TAFA1: variants seen among roughly 807,000 people sequenced by gnomAD.
The protein encoded by TAFA1 is chemokine-like protein TAFA-1.
A neutral mutation model predicts 18.5 loss-of-function variants in TAFA1; 4 were observed. The ratio of observed to expected loss-of-function variants is 0.22; its 90% CI spans 0.11 to 0.49. The LOEUF (loss-of-function observed/expected upper bound fraction) is 0.49. Ranked by LOEUF, TAFA1 falls within the 20% of genes least tolerant of loss-of-function variation. The pLI is 0.98. For synonymous variants in TAFA1, 56 were observed against 55.2 expected (o/e 1.01, Z -0.06); for missense variants, 147 against 169.0 (o/e 0.87, Z 0.72).
At chr3:68,410,864 C>T (rs111864936) in intron 2 of TAFA1, among the ~76,000 whole-genome samples, 13 of 152,046 alleles carry the variant, frequency 8.6e-5, no homozygotes, top group South Asian at 2.1e-4. Context: ...AGGAAAAGTC[C>T]GAAAGATATT....
chr3:68,053,235 G>A (rs983187531), intron 2 of TAFA1, among the ~76,000 whole-genome samples: 4 of 151,928 alleles, frequency 2.6e-5, no homozygotes, highest in Non-Finnish European at 1.5e-5. Flanking sequence ...AAAGTAGTGT[G>A]TTGGGAAACA....
At position 68,168,101 on chromosome 3, in the gene TAFA1, C is replaced by T. The variant is rs570338417; in HGVS notation, c.118+161357C>T. Among the ~76,000 whole-genome samples, 181 of 124,774 alleles carry T rather than the reference C, an allele frequency of 1.5e-3. 2 individuals carry two copies. Among genetic ancestry groups the T allele is most frequent in the South Asian group, 2.9e-3 (11 of 3,772 alleles). 81.9% of individuals were successfully genotyped at this position (124,774 alleles called of 152,430 possible). A position where few individuals can be genotyped will look rare whatever the true frequency, so the allele number is the denominator to read the frequency against. ...ACTGATAATTTTATGAGTTTTGAAA[C>T]TTTTGGTCTGTTTATTTGTCCTAAT... is the stretch of plus-strand genomic sequence containing the variant. On this transcript the variant is annotated intron_variant, in intron 2 of 4. Coordinates refer to ENST00000478136, the MANE Select transcript of TAFA1 (RefSeq NM_213609.4).
chr3:68,420,988 G>A (rs1374092658), intron 3 of TAFA1, among the ~76,000 whole-genome samples: 1 of 152,108 alleles, frequency 6.6e-6, no homozygotes, highest in African/African-American at 2.4e-5. Context: ...CTTTGCCAAA[G>A]AAAGCCTTGA....
intron 2 of TAFA1, among the ~76,000 whole-genome samples, chr3:68,012,273 G>A (rs1049444104): frequency 6.6e-6 from 1 of 152,156 alleles, no homozygotes; most frequent in South Asian, 2.1e-4. Context: ...AGACAAATGT[G>A]AAAAGATGTA....
chr3:68,488,144 T>C (rs1218683363), intron 3 of TAFA1, among the ~76,000 whole-genome samples: 7 of 152,154 alleles, frequency 4.6e-5, no homozygotes, highest in African/African-American at 1.7e-4. Context: ...TTAAGGAGTA[T>C]TGACTCACAC....
intron 3 of TAFA1, among the ~76,000 whole-genome samples, chr3:68,434,839 G>A (rs2071242249): frequency 6.6e-6 from 1 of 152,062 alleles, no homozygotes; most frequent in Non-Finnish European, 1.5e-5. Flanking sequence ...AGAGAAACAT[G>A]TCTAATACTA....
At chr3:68,370,089 C>T (rs1255741610) in intron 2 of TAFA1, among the ~76,000 whole-genome samples, 7 of 150,458 alleles carry the variant, frequency 4.7e-5, no homozygotes, top group Non-Finnish European at 1.0e-4. Flanking sequence ...GAGATTGAGA[C>T]CATCCTGGCT....
chr3:68,303,245 A>G (rs1325098240), intron 2 of TAFA1, among the ~76,000 whole-genome samples: 1 of 152,224 alleles, frequency 6.6e-6, no homozygotes, highest in Non-Finnish European at 1.5e-5. Flanking sequence ...GGAGGCTTCT[A>G]GAACCACATT....
intron 3 of TAFA1, among the ~76,000 whole-genome samples, chr3:68,438,635 C>G (rs1292494677): frequency 2.0e-5 from 3 of 152,132 alleles, no homozygotes; most frequent in East Asian, 3.9e-4. Context: ...CAGCATTGCT[C>G]TAGAGGAAGT....
chr3:68,493,806 G>C (rs963123201), intron 3 of TAFA1, among the ~76,000 whole-genome samples: 7 of 152,134 alleles, frequency 4.6e-5, no homozygotes, highest in African/African-American at 1.4e-4. Flanking sequence ...ACTTTTATAA[G>C]TTTATGACGT....
chr3:68,266,945 T>C (rs927242379), intron 2 of TAFA1, among the ~76,000 whole-genome samples: 1 of 100,226 alleles, frequency 1.0e-5, no homozygotes, highest in African/African-American at 5.1e-5. Flanking sequence ...AAAAGAACCT[T>C]CGGTGGACTC....
chr3:68,116,423 G>A (rs560233246), intron 2 of TAFA1, among the ~76,000 whole-genome samples: 3 of 152,224 alleles, frequency 2.0e-5, no homozygotes, highest in African/African-American at 7.2e-5. Flanking sequence ...GCACATATAT[G>A]TTGGCCTTTG....
At chr3:68,102,780 C>T in intron 2 of TAFA1, among the ~76,000 whole-genome samples, 1 of 152,076 alleles carries the variant, frequency 6.6e-6, no homozygotes, top group East Asian at 1.9e-4. Context: ...CAGTCTGTAC[C>T]ACCTTTAGAC....
chr3:68,038,737 T>C (rs910485801), intron 2 of TAFA1, among the ~76,000 whole-genome samples: 3 of 152,096 alleles, frequency 2.0e-5, no homozygotes, highest in East Asian at 1.9e-4. Flanking sequence ...ACATTAAAAG[T>C]AGGAAGATAA....
chr3:68,088,604 C>T (rs1171958865), intron 2 of TAFA1, among the ~76,000 whole-genome samples: 10 of 152,134 alleles, frequency 6.6e-5, no homozygotes, highest in Non-Finnish European at 1.2e-4. Context: ...ATTGTTTTTA[C>T]TGGAAGTTAA....
At chr3:68,436,686 C>A (rs960800456) in intron 3 of TAFA1, among the ~76,000 whole-genome samples, 1 of 152,068 alleles carries the variant, frequency 6.6e-6, no homozygotes, top group Non-Finnish European at 1.5e-5. Context: ...AGAGTTCATT[C>A]CAAAACTTGG....
chr3:68,120,249 CTTTCT>C (rs2065382346), intron 2 of TAFA1, among the ~76,000 whole-genome samples: 3 of 55,514 alleles, frequency 5.4e-5, no homozygotes, highest in East Asian at 4.3e-4. Context: ...TTCTTTCTTT[CTTTCT>C]TTCTTTCTTT....
chr3:68,467,619 G>C (rs1423291992), intron 3 of TAFA1, among the ~76,000 whole-genome samples: 2 of 152,172 alleles, frequency 1.3e-5, no homozygotes, highest in African/African-American at 4.8e-5. Context: ...TCAGCAGATA[G>C]AAAATTACCA....
chr3:68,017,358 G>T (rs995498487), intron 2 of TAFA1, among the ~76,000 whole-genome samples: 2 of 152,214 alleles, frequency 1.3e-5, no homozygotes, highest in African/African-American at 2.4e-5. Flanking sequence ...AGAAGTAAGA[G>T]CAAATTTATG....
Sources: gnomAD v4.1 joint callset for allele counts (sites outside exome capture counted in the v4.1 genomes callset) on GRCh38, gnomAD v4.1.1 for gene constraint, MANE v1.5 for transcripts, NCBI Gene and HGNC (gene_info 2026-07-23, HGNC 2026-07-21) for gene names.